Variants in ATP10A observed in about 807,000 individuals in gnomAD.
ATP10A encodes ATPase phospholipid transporting 10A (putative).
In ATP10A, 111 loss-of-function variants were observed where a neutral mutation model predicts 147.8. The observed-to-expected ratio is 0.75, with a 90% CI of 0.64 to 0.88. The LOEUF (loss-of-function observed/expected upper bound fraction) is 0.88. Ranked by LOEUF, ATP10A falls within the 40% of genes least tolerant of loss-of-function variation. The pLI is 0.00. For missense variants in ATP10A, 1,927 were observed against 1,959.0 expected, an observed-to-expected ratio of 0.98 and a Z score of 0.31; for synonymous variants, 875 against 841.6, an observed-to-expected ratio of 1.04 and a Z score of -0.69.
chr15:25,751,556 T>G (rs1888158039), intron 2 of ATP10A, among the ~76,000 whole-genome samples: 1 of 152,074 alleles, frequency 6.6e-6, no homozygotes, highest in Non-Finnish European at 1.5e-5. Flanking sequence ...ACTCACATTA[T>G]AAAAAATATT....
At chr15:25,862,050 A>C (rs751377840) in intron 1 of ATP10A, 54 of 333,064 alleles carry the variant, frequency 1.6e-4, no homozygotes, top group Admixed American at 1.1e-3. Flanking sequence ...GAAGAAAATT[A>C]GGCAGGCAGC....
intron 1 of ATP10A, among the ~76,000 whole-genome samples, chr15:25,784,519 C>G (rs953640612): frequency 1.3e-5 from 2 of 152,200 alleles, no homozygotes; most frequent in Non-Finnish European, 2.9e-5. Flanking sequence ...CCTGAGGACC[C>G]TCCACACATG....
intron 2 of ATP10A, among the ~76,000 whole-genome samples, chr15:25,767,628 C>T (rs1889097688): frequency 1.3e-5 from 2 of 152,092 alleles, no homozygotes; most frequent in South Asian, 4.1e-4. Context: ...GCCTGGCCCA[C>T]CCCACATGAG....
Position 25,852,425 on chromosome 15 carries a change from T to C in ATP10A, c.449+10223A>G, listed in dbSNP as rs547648338. On this transcript the variant is annotated intron_variant, in intron 1 of 20. Transcript: ENST00000555815. Reference sequence around the variant, plus strand: ...CAAGGGTCTGACCTCATTGAGGGTGTTGGGGCTCAGGAACCAATATCGCAA... The same window carrying C: ...CAAGGGTCTGACCTCATTGAGGGTGCTGGGGCTCAGGAACCAATATCGCAA... 1.1e-4 allele frequency among the ~76,000 whole-genome samples: 17 copies of C among 152,252 alleles called. No individual in the cohort carries two copies. In the South Asian group the frequency reaches 3.3e-3, roughly 30 times the overall value.
chr15:25,718,054 G>T, intron 8 of ATP10A, 128 bp downstream of exon 8: 2 of 994,624 alleles, frequency 2.0e-6, no homozygotes, highest in South Asian at 1.6e-5. Flanking sequence ...AGCTTCTGCT[G>T]AGTAGAGCCA....
chr15:25,846,085 C>T (rs979257143), intron 1 of ATP10A, among the ~76,000 whole-genome samples: 5 of 152,090 alleles, frequency 3.3e-5, no homozygotes, highest in East Asian at 3.9e-4. Flanking sequence ...ATTCCGCTCA[C>T]GTGAGACACC....
intron 16 of ATP10A, among the ~76,000 whole-genome samples, chr15:25,687,409 C>T (rs1899751829): frequency 6.6e-6 from 1 of 151,956 alleles, no homozygotes; most frequent in South Asian, 2.1e-4. Context: ...AACTGCTAGC[C>T]TCATAATTAT....
At chr15:25,692,608 ACTG>A (rs1900097834) in intron 14 of ATP10A, among the ~76,000 whole-genome samples, 3 of 152,124 alleles carry the variant, frequency 2.0e-5, no homozygotes, top group Admixed American at 1.3e-4. Context: ...ACCAATATTA[ACTG>A]ATCAGTTAAT....
chr15:25,784,832 G>A (rs1182227878), intron 1 of ATP10A, among the ~76,000 whole-genome samples: 1 of 151,908 alleles, frequency 6.6e-6, no homozygotes, highest in Non-Finnish European at 1.5e-5. Flanking sequence ...TGAGGCAGGA[G>A]AATCGCTTGA....
In ATP10A at chr15:25,694,803, C is replaced by T. The variant is rs75410367; in HGVS notation, c.3088+16G>A. ...TCCAGCTGGGAGGAGGCCGTCTGGC[C>T]AGCTGGGATACTTGCCTATGGCCAG... On this transcript the variant is annotated intron_variant, in intron 14 of 20. Coordinates refer to ENST00000555815, the MANE Select transcript of ATP10A (RefSeq NM_024490.4). 1.2e-3 allele frequency: 1,951 copies of T among 1,592,120 alleles called. 23 individuals carry two copies. In the African/African-American group the frequency reaches 0.021, roughly 17 times the overall value.
In ATP10A at chr15:25,695,205, G is replaced by A. The variant is rs1052590995; in HGVS notation, c.2761-59C>T. On this transcript the variant is annotated intron_variant, in intron 13 of 20. Transcript: ENST00000555815. ...TCAGAGTCATGCCACAAACATCCCC[G>A]CCCTGGCTCAACACCTCTGGAGCTG... 1.8e-5 allele frequency: 27 copies of A among 1,495,922 alleles called. 1 individual carries two copies. The African/African-American group carries it at 2.5e-4, about 14-fold the overall frequency. 92.7% of individuals were successfully genotyped at this position (1,495,922 alleles called of 1,614,324 possible).
intron 2 of ATP10A, among the ~76,000 whole-genome samples, chr15:25,765,349 C>T (rs1234871844): frequency 1.4e-4 from 22 of 152,304 alleles, no homozygotes; most frequent in South Asian, 2.1e-4. Context: ...ATTAGAAACA[C>T]GTCTACCTGC....
chr15:25,750,704 T>TATG (rs56087263), intron 2 of ATP10A, among the ~76,000 whole-genome samples: 7 of 150,876 alleles, frequency 4.6e-5, no homozygotes, highest in African/African-American at 1.7e-4. Flanking sequence ...AACATATATA[T>TATG]ATGATGATGA....
chr15:25,838,518 C>G (rs1234305142), intron 1 of ATP10A, among the ~76,000 whole-genome samples: 2 of 152,208 alleles, frequency 1.3e-5, no homozygotes, highest in African/African-American at 2.4e-5. Flanking sequence ...CCTCTCCCAC[C>G]ATAGAATTAC....
rs1452183876 is a variant in ATP10A, at chr15:25,787,983, G to C, written c.450-6760C>G. Among the ~76,000 whole-genome samples, 4 of 152,274 alleles carry C rather than the reference G, an allele frequency of 2.6e-5. No homozygotes were observed. In the South Asian group the frequency reaches 8.3e-4, roughly 32 times the overall value. On this transcript the variant is annotated intron_variant, in intron 1 of 20. Transcript: ENST00000555815. ...TTCCCTCTGGGCTAAACAAGCCACT[G>C]AGAGAGTTCCCGCTAGGGCAGGGTA...
At chr15:25,779,348 C>T (rs1040705500) in intron 2 of ATP10A, among the ~76,000 whole-genome samples, 2 of 152,230 alleles carry the variant, frequency 1.3e-5, no homozygotes, top group African/African-American at 4.8e-5. Context: ...TGGCACTCAC[C>T]CTCTGTGTGC....
intron 2 of ATP10A, among the ~76,000 whole-genome samples, chr15:25,737,335 G>A (rs1174175106): frequency 6.6e-6 from 1 of 152,182 alleles, no homozygotes; most frequent in African/African-American, 2.4e-5. Flanking sequence ...CAAAGTACAG[G>A]ATGGCCATGA....
In ATP10A at chr15:25,694,948, G is replaced by A; in HGVS notation, c.2959C>T (p.Leu987=). 6.2e-7 allele frequency: 1 copy of A among 1,614,080 alleles called. No individual in the cohort carries two copies. Among genetic ancestry groups the A allele is most frequent in the East Asian group, 2.2e-5 (1 of 44,888 alleles). ...GCAAGGAAGAGGAATTTGTCCTCCA[G>A]GTTTTTCTCGAGAGCGTAGGCCAGG... ...RSLAYALEKN[L]EDKFLFLAKQ... Residue 987 remains leucine (L), a synonymous_variant, in exon 14 of 21, where the codon CTG becomes TTG. Coordinates refer to ENST00000555815, the MANE Select transcript of ATP10A (RefSeq NM_024490.4).
chr15:25,777,750 C>T (rs1203143030), intron 2 of ATP10A, among the ~76,000 whole-genome samples: 2 of 151,376 alleles, frequency 1.3e-5, no homozygotes, highest in African/African-American at 4.9e-5. Flanking sequence ...CAGCTGCACA[C>T]CACGATATCT....
Sources: allele counts gnomAD v4.1 joint callset (sites outside exome capture counted in the v4.1 genomes callset), GRCh38; gene constraint gnomAD v4.1.1; transcripts MANE v1.5; gene names NCBI Gene and HGNC (gene_info 2026-07-23, HGNC 2026-07-21).